PPWD1: variants seen among roughly 807,000 people sequenced by gnomAD.
PPWD1 encodes peptidylprolyl isomerase domain and WD repeat containing 1.
A neutral mutation model predicts 68.8 loss-of-function variants in PPWD1; 43 were observed. The ratio of observed to expected loss-of-function variants is 0.62; its 90% CI spans 0.49 to 0.81. The LOEUF (loss-of-function observed/expected upper bound fraction) is 0.81, where lower values mean the gene tolerates loss of function less well. Among genes scored for constraint, PPWD1 ranks in the 30% least tolerant of loss-of-function variants. The pLI, the probability that PPWD1 is intolerant of heterozygous loss-of-function variation, is 0.00. For synonymous variants in PPWD1, 232 were observed against 258.7 expected (o/e 0.90, Z 0.99); for missense variants, 672 against 804.8 (o/e 0.83, Z 2.00).
At chr5:65,578,762 ATATATATATACATATATATG>A (rs1561729345) in intron 6 of PPWD1, among the ~76,000 whole-genome samples, 7 of 68,408 alleles carry the variant, frequency 1.0e-4, no homozygotes, top group African/African-American at 4.1e-4. Context: ...ATATATGTGT[ATATATATATACATATATATG>A]TGTATATATA....
intron 7 of PPWD1, 27 bp downstream of exon 7, chr5:65,579,640 C>T (rs753769614): frequency 7.7e-5 from 107 of 1,387,348 alleles, no homozygotes; most frequent in Admixed American, 4.2e-4. Flanking sequence ...GGAGATTAGA[C>T]GGTAATGTTC....
rs765209953 is a variant in PPWD1, at chr5:65,583,225, T to C, written c.1532+6T>C. 1 of 1,537,188 alleles carries C rather than the reference T, an allele frequency of 6.5e-7. No homozygotes were observed. Among genetic ancestry groups the C allele is most frequent in the East Asian group, 2.3e-5 (1 of 43,236 alleles). On this transcript the variant is annotated splice_donor_region_variant and intron_variant, in intron 8 of 10. Coordinates refer to ENST00000261308, the MANE Select transcript of PPWD1 (RefSeq NM_015342.4). ...ACCAAACTTTTTCCTGTTGAGTATG[T>C]ATAACAACTGTTTTTATTGGCTTAT... is the stretch of plus-strand genomic sequence containing the variant.
At chr5:65,571,639 A>T (rs771220802) in intron 4 of PPWD1, 200 bp from the exon 5 acceptor site, 2 of 476,172 alleles carry the variant, frequency 4.2e-6, no homozygotes, top group Non-Finnish European at 5.5e-6. Context: ...AACTATCATT[A>T]TACTGATGAG....
chr5:65,563,624 C>T (rs1437772497), intron 1 of PPWD1, 118 bp downstream of exon 1: 1 of 1,364,944 alleles, frequency 7.3e-7, no homozygotes, highest in African/African-American at 1.5e-5. Context: ...AACAGAGGGC[C>T]GTCCTCTCAC....
intron 5 of PPWD1, among the ~76,000 whole-genome samples, chr5:65,573,629 G>A (rs138927551): frequency 0.042 from 6,040 of 142,736 alleles, 167 homozygotes; most frequent in Middle Eastern, 0.083. Context: ...CTGCCTTGGC[G>A]TCCCAAAGTG....
intron 5 of PPWD1, among the ~76,000 whole-genome samples, chr5:65,575,542 T>C (rs1028592117): frequency 3.3e-5 from 5 of 152,214 alleles, no homozygotes; most frequent in African/African-American, 1.2e-4. Flanking sequence ...AAGCATGAAA[T>C]AAGGATAGAA....
chr5:65,566,064 T>C (rs545600019), intron 1 of PPWD1, among the ~76,000 whole-genome samples: 1 of 152,348 alleles, frequency 6.6e-6, no homozygotes, highest in East Asian at 1.9e-4. Flanking sequence ...TTTACTCTTC[T>C]TTATGCCCAT....
At chr5:65,572,641 T>C (rs1030597037) in intron 5 of PPWD1, among the ~76,000 whole-genome samples, 1 of 152,180 alleles carries the variant, frequency 6.6e-6, no homozygotes, top group Non-Finnish European at 1.5e-5. Context: ...CTAAATTTAC[T>C]TCTCTAACCT....
In PPWD1 at chr5:65,583,313, T is replaced by C. The variant is rs990694983; in HGVS notation, c.1532+94T>C. 5 of 1,244,434 alleles carry C rather than the reference T, an allele frequency of 4.0e-6. No individual in the cohort carries two copies. The South Asian group carries it at 9.3e-5, about 23-fold the overall frequency. 77.1% of individuals were successfully genotyped at this position (1,244,434 alleles called of 1,614,324 possible). A position where few individuals can be genotyped will look rare whatever the true frequency, so the allele number is the denominator to read the frequency against. On this transcript the variant is annotated intron_variant, in intron 8 of 10. Transcript: ENST00000261308. ...ATGCAACTTAAAATTCCCGTTACTTTGACTTAAGGAATTTTGAAGAAACGT... is the reference window on the plus strand; with the variant it reads ...ATGCAACTTAAAATTCCCGTTACTTCGACTTAAGGAATTTTGAAGAAACGT...
chr5:65,567,429 G>C, intron 1 of PPWD1, 84 bp from the exon 2 acceptor site: 2 of 1,407,320 alleles, frequency 1.4e-6, no homozygotes, highest in Non-Finnish European at 1.9e-6. Flanking sequence ...GTAGAGTGTA[G>C]ACAATTTTAA....
At chr5:65,571,191 C>T (rs946975751) in intron 4 of PPWD1, among the ~76,000 whole-genome samples, 5 of 152,118 alleles carry the variant, frequency 3.3e-5, no homozygotes, top group Non-Finnish European at 5.9e-5. Context: ...ACATCAGCAC[C>T]GTGGTTAGAA....
In PPWD1 at chr5:65,583,121, C is replaced by A. The variant is rs749311275; in HGVS notation, c.1434C>A (p.Val478=). The A allele has an allele frequency of 1.9e-6, 3 of 1,613,634 alleles. No homozygotes were observed. Among genetic ancestry groups the A allele is most frequent in the Non-Finnish European group, 2.5e-6 (3 of 1,179,844 alleles). The part of the protein sequence containing the change: ...VFNEKPSKEE[V]MAATQAEGPK... ...ATGAGAAACCTTCTAAAGAAGAAGT[C>A]ATGGCAGCTACTCAAGCTGAAGGAC... Residue 478 remains valine (V), a synonymous_variant, in exon 8 of 11, where the codon GTC becomes GTA. Transcript: ENST00000261308.
chr5:65,587,370 A>G lies in PPWD1; in HGVS notation c.1915A>G (p.Ser639Gly), dbSNP rs949414851. 2 of 1,610,984 alleles carry G rather than the reference A, an allele frequency of 1.2e-6. No homozygotes were observed. The highest frequency in any genetic ancestry group is 2.7e-5 in the African/African-American group (2 of 74,818). ...AACAGATAAGCCCTATGAGGATGTCAGCATCATAAATATTACTGTCAAGTA... is the reference window on the plus strand; with the variant it reads ...AACAGATAAGCCCTATGAGGATGTCGGCATCATAAATATTACTGTCAAGTA... The part of the protein sequence containing the change: ...PKTDKPYEDV[S>G]IINITVK Residue 639 changes from serine (S) to glycine (G), a missense_variant, in exon 11 of 11, where the codon AGC becomes GGC. Coordinates refer to ENST00000261308, the MANE Select transcript of PPWD1 (RefSeq NM_015342.4).
chr5:65,579,039 C>T (rs978112730), intron 6 of PPWD1, among the ~76,000 whole-genome samples: 2 of 151,806 alleles, frequency 1.3e-5, no homozygotes, highest in African/African-American at 2.4e-5. Context: ...TCTCAGCCTC[C>T]CTAGTAGTTG....
At position 65,581,945 on chromosome 5, in the gene PPWD1, C is replaced by T. The variant is rs549939903; in HGVS notation, c.1351-1093C>T. On this transcript the variant is annotated intron_variant, in intron 7 of 10. Transcript: ENST00000261308. The stretch of plus-strand genomic sequence containing the variant: ...ATATATGAGCTAAATCATAATTTTT[C>T]AGATCCAACATCATGAAATAAAAGT... Among the ~76,000 whole-genome samples, 19 of 152,230 alleles carry T rather than the reference C, an allele frequency of 1.2e-4. No individual in the cohort carries two copies. The East Asian group carries it at 3.7e-3, about 29-fold the overall frequency.
At chr5:65,572,971 T>C (rs972542757) in intron 5 of PPWD1, among the ~76,000 whole-genome samples, 19 of 152,356 alleles carry the variant, frequency 1.2e-4, no homozygotes, top group Non-Finnish European at 1.9e-4. Context: ...TATCTGGTCA[T>C]GTCATTCCTT....
intron 2 of PPWD1, among the ~76,000 whole-genome samples, chr5:65,568,747 T>C (rs1287429976): frequency 6.6e-6 from 1 of 152,120 alleles, no homozygotes; most frequent in Admixed American, 6.5e-5. Context: ...TAATTTCATA[T>C]ATAAATCTAA....
At chr5:65,571,228 A>G (rs1752994772) in intron 4 of PPWD1, among the ~76,000 whole-genome samples, 1 of 152,114 alleles carries the variant, frequency 6.6e-6, no homozygotes. Context: ...CCGAATCTCT[A>G]CTTTGAAGGA....
At chr5:65,569,792 A>C (rs1752937680) in intron 3 of PPWD1, 60 bp downstream of exon 3, 1 of 1,545,118 alleles carries the variant, frequency 6.5e-7, no homozygotes. Context: ...TTAAAGTTTA[A>C]ATTTTTTAAA....
Sources: allele counts gnomAD v4.1 joint callset (sites outside exome capture counted in the v4.1 genomes callset), GRCh38; gene constraint gnomAD v4.1.1; transcripts MANE v1.5; gene names NCBI Gene and HGNC (gene_info 2026-07-23, HGNC 2026-07-21).